EML5: variants seen among roughly 807,000 people sequenced by gnomAD.
EML5 encodes the protein EMAP like 5.
EML5 carries 120 observed loss-of-function variants against 250.0 expected under a neutral mutation model. The observed-to-expected ratio is 0.48, with a 90% CI of 0.41 to 0.56. The LOEUF (loss-of-function observed/expected upper bound fraction) is 0.56. Ranked by LOEUF, EML5 falls within the 20% of genes least tolerant of loss-of-function variation. The pLI is 0.00. For synonymous variants in EML5, 771 were observed against 806.5 expected, an observed-to-expected ratio of 0.96 and a Z score of 0.75; for missense variants, 2,006 against 2,437.6, an observed-to-expected ratio of 0.82 and a Z score of 3.73.
At chr14:88,730,996 T>C (rs2093747891) in intron 7 of EML5, among the ~76,000 whole-genome samples, 1 of 152,204 alleles carries the variant, frequency 6.6e-6, no homozygotes, top group African/African-American at 2.4e-5. Flanking sequence ...CTTCATTTGC[T>C]CCTGTGGATT....
intron 20 of EML5, among the ~76,000 whole-genome samples, chr14:88,682,333 C>T (rs2092730980): frequency 6.6e-6 from 1 of 151,778 alleles, no homozygotes; most frequent in Non-Finnish European, 1.5e-5. Context: ...AATTGCCACA[C>T]AGGAGGTACT....
chr14:88,731,440 T>C (rs2093756952), intron 7 of EML5, among the ~76,000 whole-genome samples: 1 of 152,180 alleles, frequency 6.6e-6, no homozygotes, highest in Non-Finnish European at 1.5e-5. Context: ...GGTGTATATG[T>C]GCCACATTTG....
chr14:88,755,623 C>T (rs2094148759), intron 1 of EML5, among the ~76,000 whole-genome samples: 1 of 151,674 alleles, frequency 6.6e-6, no homozygotes. Flanking sequence ...TCATATTTGC[C>T]CTTGAGATGA....
intron 24 of EML5, among the ~76,000 whole-genome samples, chr14:88,662,683 T>C (rs924553154): frequency 2.0e-5 from 3 of 151,692 alleles, no homozygotes; most frequent in African/African-American, 4.8e-5. Context: ...ACTGGGACTA[T>C]AGGCACATGC....
rs755965213 is a variant in EML5 at position 88,661,695 on chromosome 14, C to T, written c.3634G>A (p.Asp1212Asn). 2 of 1,613,358 alleles carry T rather than the reference C, an allele frequency of 1.2e-6. No individual in the cohort carries two copies. The highest frequency in any genetic ancestry group is 1.7e-6 in the Non-Finnish European group (2 of 1,179,682). The part of the protein sequence containing the change: ...TSDKMVLATG[D>N]DLGFVKLFRY... ...AATAACTTCACAAATCCCAAATCGT[C>T]CCCGGTAGCTAGAACCATTTTGTCA... Residue 1212 changes from aspartate (D) to asparagine (N), a missense_variant, in exon 25 of 44, where the codon GAC (aspartate) becomes AAC (asparagine). Coordinates refer to ENST00000554922, the MANE Select transcript of EML5 (RefSeq NM_183387.3).
chr14:88,679,895 C>T (rs1161964213), intron 21 of EML5, among the ~76,000 whole-genome samples: 1 of 151,956 alleles, frequency 6.6e-6, no homozygotes, highest in Non-Finnish European at 1.5e-5. Context: ...TATAGTGTAG[C>T]GTATAGTAAG....
At chr14:88,762,491 C>T (rs747942095) in intron 1 of EML5, among the ~76,000 whole-genome samples, 6 of 151,492 alleles carry the variant, frequency 4.0e-5, no homozygotes, top group Non-Finnish European at 8.8e-5. Flanking sequence ...GCCTAAGCAA[C>T]AAGAGTGAAA....
intron 36 of EML5, 178 bp downstream of exon 36, chr14:88,624,787 GTGAAT>G (rs1304556891): frequency 5.9e-6 from 4 of 677,152 alleles, no homozygotes; most frequent in African/African-American, 1.8e-5. Flanking sequence ...AAAATTGGAA[GTGAAT>G]TAAGACCAGA....
intron 13 of EML5, among the ~76,000 whole-genome samples, chr14:88,704,257 G>A (rs777862683): frequency 9.2e-5 from 14 of 151,970 alleles, no homozygotes; most frequent in Non-Finnish European, 8.8e-5. Context: ...CTTCCCTTTC[G>A]ATCCCTTTTT....
At chr14:88,635,922 A>G (rs180716818) in intron 32 of EML5, among the ~76,000 whole-genome samples, 45 of 152,344 alleles carry the variant, frequency 3.0e-4, no homozygotes, top group African/African-American at 1.1e-3. Context: ...CTGCAAATAC[A>G]GAGAAGGCCC....
chr14:88,648,849 A>G (rs1433602888), intron 28 of EML5, among the ~76,000 whole-genome samples: 2 of 152,026 alleles, frequency 1.3e-5, no homozygotes, highest in Non-Finnish European at 2.9e-5. Context: ...CCCATTTTAG[A>G]GGTTGCTTCA....
rs780430343 is a variant in EML5 at position 88,642,970 on chromosome 14, T to C, written c.4160A>G (p.Asn1387Ser). ...ATCACCATCATTTAAATAGTGAACA[T>C]TATTCCTACAGTCTCTGCCTCGATA... is the stretch of plus-strand genomic sequence containing the variant. The part of the protein sequence containing the change: ...FGYRGRDCRN[N>S]VHYLNDGDDI... Residue 1387 changes from asparagine to serine, a missense_variant, in exon 31 of 44, where the codon AAT becomes AGT. Physicochemically the swap from Asn to Ser is conservative, Grantham distance 46. Around this residue, in one of 7 missense-constraint regions of EML5, gnomAD observed 1,375 missense variants for 1,590.3 expected, o/e 0.86. Coordinates refer to ENST00000554922, the MANE Select transcript of EML5 (RefSeq NM_183387.3). The C allele has an allele frequency of 6.2e-6, 10 of 1,606,350 alleles. No individual in the cohort carries two copies. The highest frequency in any genetic ancestry group is 8.5e-6 in the Non-Finnish European group (10 of 1,177,690).
intron 21 of EML5, among the ~76,000 whole-genome samples, chr14:88,667,093 A>G (rs2092329496): frequency 6.6e-6 from 1 of 152,158 alleles, no homozygotes; most frequent in East Asian, 1.9e-4. Flanking sequence ...CCATTTACTG[A>G]GATGGGATAA....
At chr14:88,747,514 C>T (rs2094023530) in intron 2 of EML5, among the ~76,000 whole-genome samples, 1 of 152,028 alleles carries the variant, frequency 6.6e-6, no homozygotes, top group Admixed American at 6.6e-5. Flanking sequence ...CAAGTCACAA[C>T]AAACAGCAAA....
chr14:88,636,490 G>A (rs1424094761), intron 32 of EML5, among the ~76,000 whole-genome samples: 1 of 152,070 alleles, frequency 6.6e-6, no homozygotes, highest in African/African-American at 2.4e-5. Flanking sequence ...GTGAAACCCC[G>A]TCTCTACTAA....
intron 28 of EML5, among the ~76,000 whole-genome samples, chr14:88,647,232 C>T (rs1422927212): frequency 6.6e-6 from 1 of 151,828 alleles, no homozygotes; most frequent in Non-Finnish European, 1.5e-5. Context: ...GGCATGGTGG[C>T]ACGCACCTGT....
chr14:88,695,504 G>C (rs1367542609), intron 15 of EML5, 50 bp from the exon 16 acceptor site: 3 of 1,491,536 alleles, frequency 2.0e-6, no homozygotes, highest in South Asian at 2.4e-5. Context: ...ATTCAGAAGA[G>C]AGAAAACATT....
At chr14:88,710,303 T>C (rs1268726402) in intron 10 of EML5, among the ~76,000 whole-genome samples, 2 of 152,244 alleles carry the variant, frequency 1.3e-5, no homozygotes, top group Non-Finnish European at 2.9e-5. Context: ...GCTAACTTCG[T>C]ATATTTTTTG....
At chr14:88,711,647 G>A (rs547670754) in intron 10 of EML5, among the ~76,000 whole-genome samples, 4 of 151,862 alleles carry the variant, frequency 2.6e-5, no homozygotes, top group Non-Finnish European at 5.9e-5. Flanking sequence ...ATTTGGCTGG[G>A]GACACAAAGC....
Sources: allele counts gnomAD v4.1 joint callset (sites outside exome capture counted in the v4.1 genomes callset), GRCh38; gene constraint gnomAD v4.1.1; regional missense constraint gnomAD v4.1.1; transcripts MANE v1.5; gene names NCBI Gene and HGNC (gene_info 2026-07-23, HGNC 2026-07-21).